Variants in MCM9 observed in about 807,000 individuals in gnomAD.
MCM9 encodes the protein DNA helicase MCM9.
A neutral mutation model predicts 72.8 loss-of-function variants in MCM9; 55 were observed. The observed-to-expected ratio is 0.76, with a 90% confidence interval of 0.61 to 0.95. The LOEUF (loss-of-function observed/expected upper bound fraction) is 0.95, where lower values mean the gene tolerates loss of function less well. Among genes scored for constraint, MCM9 ranks in the 40% least tolerant of loss-of-function variants. The probability of loss-of-function intolerance (pLI) is 0.00; values close to 1 mark genes in which losing one functional copy is unlikely to be tolerated. For missense variants in MCM9, 1,279 were observed against 1,377.0 expected, an observed-to-expected ratio of 0.93 and a Z score of 1.13; for synonymous variants, 480 against 503.4, an observed-to-expected ratio of 0.95 and a Z score of 0.62.
At chr6:118,864,413 G>C (rs1777090632) in intron 8 of MCM9, among the ~76,000 whole-genome samples, 1 of 152,132 alleles carries the variant, frequency 6.6e-6, no homozygotes. Context: ...CAGGAGGTAA[G>C]AGGTAGTGAT....
intron 8 of MCM9, among the ~76,000 whole-genome samples, chr6:118,895,333 C>T (rs370415353): frequency 6.6e-6 from 1 of 152,090 alleles, no homozygotes; most frequent in African/African-American, 2.4e-5. Flanking sequence ...CCCCTAATGA[C>T]GAAAAGCTAA....
Position 118,923,812 on chromosome 6 carries a change from T to C in MCM9, c.620A>G (p.Gln207Arg). The change falls in exon 4 of 14, where the codon CAG becomes CGG. Residue 207 changes from glutamine to arginine, a missense_variant and splice_region_variant. Transcript: ENST00000619706. ...TATCTCGTTTATGTGATTATTTACC[T>C]GTTCCTGAATTTTGATTTCCTGGTA... ...RDYQEIKIQE[Q>R]VQRLSVGSIP... 6.2e-7 allele frequency: 1 copy of C among 1,611,594 alleles called. No individual in the cohort carries two copies.
chr6:118,820,944 C>A (rs1280859109), intron 13 of MCM9, among the ~76,000 whole-genome samples: 1 of 152,120 alleles, frequency 6.6e-6, no homozygotes, highest in Non-Finnish European at 1.5e-5. Flanking sequence ...AGGATTGCAA[C>A]CCCTGCTTTT....
At chr6:118,828,915 G>A in intron 10 of MCM9, 133 bp downstream of exon 10, 1 of 931,766 alleles carries the variant, frequency 1.1e-6, no homozygotes, top group African/African-American at 1.7e-5. Context: ...ACTGCTTTCT[G>A]TCTAAGCTTT....
At chr6:118,875,658 AAATAATAAT>A (rs369537070) in intron 8 of MCM9, among the ~76,000 whole-genome samples, 8 of 149,454 alleles carry the variant, frequency 5.4e-5, no homozygotes, top group Non-Finnish European at 8.9e-5. Context: ...ATAATAATTA[AAATAATAAT>A]AATAATAATA....
intron 8 of MCM9, among the ~76,000 whole-genome samples, chr6:118,896,001 C>T (rs1382556153): frequency 6.6e-6 from 1 of 150,510 alleles, no homozygotes; most frequent in Non-Finnish European, 1.5e-5. Context: ...TGCCCTATCT[C>T]CTTTCGGTAA....
At chr6:118,909,094 ATC>A in intron 8 of MCM9, 1 of 152,344 alleles carries the variant, frequency 6.6e-6, no homozygotes, top group East Asian at 1.9e-4. Flanking sequence ...TATAAAGAAA[ATC>A]TCATTTGTCT....
chr6:118,898,405 A>C (rs1779579973), intron 8 of MCM9, among the ~76,000 whole-genome samples: 1 of 151,832 alleles, frequency 6.6e-6, no homozygotes, highest in Non-Finnish European at 1.5e-5. Context: ...ATTAAAATTC[A>C]TGAAAACCTT....
chr6:118,823,747 A>T lies in MCM9; in HGVS notation c.1961+2400T>A, dbSNP rs938838163. ...GAAAAGATATTATACCAGAAAGCAG[A>T]TGAGTAAGTTATTCTAAAATTCATG... On this transcript the variant is annotated intron_variant, in intron 13 of 13. Coordinates refer to ENST00000619706, the MANE Select transcript of MCM9 (RefSeq NM_017696.3). 3.3e-4 allele frequency among the ~76,000 whole-genome samples: 50 copies of T among 152,124 alleles called. 1 individual carries two copies. The highest frequency in any genetic ancestry group is 1.2e-3 in the African/African-American group (48 of 41,426).
At chr6:118,867,873 CT>C (rs1258074666) in intron 8 of MCM9, among the ~76,000 whole-genome samples, 5 of 66,868 alleles carry the variant, frequency 7.5e-5, no homozygotes, top group Middle Eastern at 0.017. Context: ...TTTCTTTTTT[CT>C]TTTTCTTTTT....
intron 9 of MCM9, among the ~76,000 whole-genome samples, chr6:118,853,051 G>A (rs905249604): frequency 6.6e-6 from 1 of 152,010 alleles, no homozygotes; most frequent in South Asian, 2.1e-4. Flanking sequence ...TTTATCAGTC[G>A]ATAAACTTCT....
chr6:118,831,481 G>A (rs1195614831), intron 9 of MCM9, among the ~76,000 whole-genome samples: 1 of 152,092 alleles, frequency 6.6e-6, no homozygotes, highest in African/African-American at 2.4e-5. Flanking sequence ...AGGAGATTAT[G>A]AGAGATAAGT....
chr6:118,894,571 G>A (rs1406680356), intron 8 of MCM9: 2 of 1,454,134 alleles, frequency 1.4e-6, no homozygotes, highest in Non-Finnish European at 1.9e-6. Flanking sequence ...GGCTGCAGAC[G>A]TTGAAAGTTT....
Position 118,832,786 on chromosome 6 carries a change from C to T in MCM9, c.1326-3536G>A, listed in dbSNP as rs141233140. 2.3e-3 allele frequency among the ~76,000 whole-genome samples: 356 copies of T among 152,268 alleles called. 2 individuals are homozygous for T. The highest frequency in any genetic ancestry group is 8.2e-3 in the African/African-American group (339 of 41,552). On this transcript the variant is annotated intron_variant, in intron 9 of 13. Transcript: ENST00000619706. The stretch of plus-strand genomic sequence containing the variant: ...TGAAGGTCTCCCATTACTCCCTTTA[C>T]GGGATGATCCTCATCTTTACTTATG...
chr6:118,888,696 A>C (rs1778757698), intron 8 of MCM9, among the ~76,000 whole-genome samples: 1 of 152,248 alleles, frequency 6.6e-6, no homozygotes, highest in South Asian at 2.1e-4. Flanking sequence ...ATCAACTGAC[A>C]GATAAATAAA....
intron 8 of MCM9, among the ~76,000 whole-genome samples, chr6:118,873,193 G>A (rs1446805880): frequency 2.4e-5 from 1 of 41,792 alleles, no homozygotes; most frequent in African/African-American, 6.0e-5. Context: ...GGAGGGGAGA[G>A]GAGGGGAGGG....
chr6:118,821,310 G>C (rs950709662), intron 13 of MCM9, among the ~76,000 whole-genome samples: 2 of 152,106 alleles, frequency 1.3e-5, no homozygotes, highest in African/African-American at 2.4e-5. Context: ...CTCTTGTAAG[G>C]CAGGCCTGCT....
chr6:118,832,122 G>C (rs1774602383), intron 9 of MCM9, among the ~76,000 whole-genome samples: 1 of 152,126 alleles, frequency 6.6e-6, no homozygotes, highest in Non-Finnish European at 1.5e-5. Flanking sequence ...GTGCAGTGGA[G>C]CAATTACAGC....
intron 8 of MCM9, among the ~76,000 whole-genome samples, chr6:118,866,645 A>G (rs1354478174): frequency 6.6e-6 from 1 of 152,202 alleles, no homozygotes; most frequent in Admixed American, 6.5e-5. Flanking sequence ...TCTGAGGAGA[A>G]AAAAGAAAAG....
Sources: allele counts gnomAD v4.1 joint callset (sites outside exome capture counted in the v4.1 genomes callset), GRCh38; gene constraint gnomAD v4.1.1; transcripts MANE v1.5; gene names NCBI Gene and HGNC (gene_info 2026-07-23, HGNC 2026-07-21).